Variants in NOTCH1 observed in about 807,000 individuals in gnomAD.
The protein encoded by NOTCH1 is notch receptor 1.
Under a neutral mutation model 254.8 loss-of-function variants are expected in NOTCH1, and 37 were observed. The ratio of observed to expected loss-of-function variants is 0.15; its 90% confidence interval spans 0.11 to 0.19. The LOEUF (loss-of-function observed/expected upper bound fraction) is 0.19. NOTCH1 is among the 10% of genes least tolerant of loss of function. The pLI, the probability that NOTCH1 is intolerant of heterozygous loss-of-function variation, is 1.00. For missense variants in NOTCH1, 2,972 were observed against 3,708.6 expected (o/e 0.80, Z 5.16); for synonymous variants, 1,731 against 1,618.1 (o/e 1.07, Z -1.68).
chr9:136,524,604 G>GC (rs1461528498), intron 2 of NOTCH1, among the ~76,000 whole-genome samples: 2 of 151,590 alleles, frequency 1.3e-5, no homozygotes, highest in Non-Finnish European at 2.9e-5. Context: ...GTGTGGATCA[G>GC]CCCCTTCCTA....
rs1300209111 is a variant in NOTCH1, at chr9:136,507,401, C to T, written c.3547G>A (p.Glu1183Lys). ...GGGTGGGAGAGGCACTCGTCGATCTCCTCAGAGCAGTTCACCCCGTGGTAG... is the reference window on the plus strand; with the variant it reads ...GGGTGGGAGAGGCACTCGTCGATCTTCTCAGAGCAGTTCACCCCGTGGTAG... ...AGYHGVNCSE[E>K]IDECLSHPCQ... The change falls in exon 22 of 34, where the codon GAG becomes AAG. Residue 1183 changes from glutamate to lysine, a missense_variant. This residue lies in a region of NOTCH1 where 1,343 missense variants were observed against 1,557.0 expected (regional missense o/e 0.86). Transcript: ENST00000651671. 2 of 1,611,106 alleles carry T rather than the reference C, an allele frequency of 1.2e-6. No homozygotes were observed. Among genetic ancestry groups the T allele is most frequent in the Non-Finnish European group, 1.7e-6 (2 of 1,179,298 alleles).
At chr9:136,498,045 G>A (rs891023041) in intron 33 of NOTCH1, among the ~76,000 whole-genome samples, 1 of 152,190 alleles carries the variant, frequency 6.6e-6, no homozygotes, top group Non-Finnish European at 1.5e-5. Flanking sequence ...GTCTGGGTGA[G>A]GCTGCTGTGT....
chr9:136,506,483 G>A lies in NOTCH1; in HGVS notation c.4014+44C>T. 6.5e-7 allele frequency: 1 copy of A among 1,532,914 alleles called. No homozygotes were observed. The highest frequency in any genetic ancestry group is 8.8e-7 in the Non-Finnish European group (1 of 1,134,012). The allele number at this position is 1,532,914 out of a possible 1,614,324, so 95.0% of individuals were successfully genotyped here. On this transcript the variant is annotated intron_variant, in intron 24 of 33. Transcript: ENST00000651671. The surrounding 1 kb of genome is among the most constrained non-coding windows in gnomAD (Gnocchi z 4.5). ...GGCCCCCACGTGGACCTCTCCAGGT[G>A]TCTCCCCTGGCGGGCCCCTGCCTCC...
rs1353567476 is a variant in NOTCH1 at position 136,523,946 on chromosome 9, C to G, written c.174G>C (p.Gln58His). 1 of 1,573,662 alleles carries G rather than the reference C, an allele frequency of 6.4e-7. No individual in the cohort carries two copies. The highest frequency in any genetic ancestry group is 1.3e-5 in the African/African-American group (1 of 74,278). ...GGGTGCTGAGGCACGGGTTGGGGTC[C>G]TGGCATCGCGGGCCCACGAAGGCCC... is the stretch of plus-strand genomic sequence containing the variant. ...CGGAFVGPRC[Q>H]DPNPCLSTPC... is the part of the protein sequence containing the mutation. Residue 58 changes from glutamine (Q) to histidine (H), a missense_variant, in exon 3 of 34, where the codon CAG becomes CAC. Physicochemically the swap from Gln to His is conservative, Grantham distance 24. This residue lies in a region of NOTCH1 where 374 missense variants were observed against 496.3 expected (regional missense o/e 0.75). Coordinates refer to ENST00000651671, the MANE Select transcript of NOTCH1 (RefSeq NM_017617.5).
Position 136,513,343 on chromosome 9 carries a change from C to G in NOTCH1, c.2353+49G>C, listed in dbSNP as rs1476106317. 1 of 1,611,180 alleles carries G rather than the reference C, an allele frequency of 6.2e-7. No homozygotes were observed. Reference sequence around the variant, plus strand: ...GTCCCGATCCTGTGTCTCCAGCTCCCCAGACTCGAGGGCGGCCCTCTGCAC... The same window carrying G: ...GTCCCGATCCTGTGTCTCCAGCTCCGCAGACTCGAGGGCGGCCCTCTGCAC... On this transcript the variant is annotated intron_variant, in intron 14 of 33. Coordinates refer to ENST00000651671, the MANE Select transcript of NOTCH1 (RefSeq NM_017617.5). This position sits in a 1 kb window ranked among gnomAD's most constrained non-coding sequence, Gnocchi z 4.7.
intron 30 of NOTCH1, among the ~76,000 whole-genome samples, 158 bp downstream of exon 30, chr9:136,501,590 C>A (rs1459268106): frequency 6.6e-6 from 1 of 152,140 alleles, no homozygotes; most frequent in Non-Finnish European, 1.5e-5. Flanking sequence ...TCCAGGACCC[C>A]CCCACGTCTA....
intron 26 of NOTCH1, among the ~76,000 whole-genome samples, chr9:136,503,561 C>T (rs978614410): frequency 1.3e-4 from 20 of 152,202 alleles, no homozygotes; most frequent in African/African-American, 4.6e-4. Context: ...TACCCACCAA[C>T]GCGCTCTCCC....
In NOTCH1 at chr9:136,545,369, C is replaced by A. The variant is rs928211649; in HGVS notation, c.61+357G>T. Among the ~76,000 whole-genome samples, 2 of 152,144 alleles carry A rather than the reference C, an allele frequency of 1.3e-5. No individual in the cohort carries two copies. The highest frequency in any genetic ancestry group is 4.8e-5 in the African/African-American group (2 of 41,446). On this transcript the variant is annotated intron_variant, in intron 1 of 33. Transcript: ENST00000651671. This position sits in a 1 kb window ranked among gnomAD's most constrained non-coding sequence, Gnocchi z 6.8. ...ACAGGAAACCAAAACCGACTCTATT[C>A]AAATCGAAAAATAGTAGGCAGCCCG...
chr9:136,540,874 C>T lies in NOTCH1; in HGVS notation c.140+3150G>A, dbSNP rs748569300. 5.3e-5 allele frequency among the ~76,000 whole-genome samples: 8 copies of T among 152,140 alleles called. 1 individual carries two copies. The highest frequency in any genetic ancestry group is 4.1e-4 in the South Asian group (2 of 4,826). On this transcript the variant is annotated intron_variant, in intron 2 of 33. Coordinates refer to ENST00000651671, the MANE Select transcript of NOTCH1 (RefSeq NM_017617.5). This position sits in a 1 kb window ranked among gnomAD's most constrained non-coding sequence, Gnocchi z 4.4. ...ACATCTTAGCTGCCCCCTGCCTCAA[C>T]GCCCAGCCCAGACGCAGGCAGCCCT... is the stretch of plus-strand genomic sequence containing the variant.
intron 2 of NOTCH1, among the ~76,000 whole-genome samples, chr9:136,534,615 T>C (rs1019582676): frequency 4.6e-5 from 7 of 152,062 alleles, no homozygotes; most frequent in Admixed American, 4.6e-4. Flanking sequence ...TCTGTGGCCA[T>C]TGGTCCCTAC....
intron 12 of NOTCH1, among the ~76,000 whole-genome samples, 176 bp downstream of exon 12, chr9:136,515,114 C>A (rs1268638397): frequency 6.6e-6 from 1 of 152,176 alleles, no homozygotes; most frequent in East Asian, 1.9e-4. Flanking sequence ...GTCGGGGGGA[C>A]CCATCGTGCT....
chr9:136,512,724 C>T (rs1843200395), intron 15 of NOTCH1, among the ~76,000 whole-genome samples: 3 of 152,216 alleles, frequency 2.0e-5, no homozygotes, highest in Admixed American at 2.0e-4. Context: ...CCAGGTAAAA[C>T]ACATGCTTGC....
chr9:136,506,717 G>C lies in NOTCH1; in HGVS notation c.3900C>G (p.Thr1300=), dbSNP rs201791826. 6.3e-7 allele frequency: 1 copy of C among 1,598,394 alleles called. No individual in the cohort carries two copies. Among genetic ancestry groups the C allele is most frequent in the Admixed American group, 1.7e-5 (1 of 57,498 alleles). ...DFHCECRAGH[T]GRRCESVING... ...CACCCGCCTGGGCGCGGCACCCACC[G>C]GTGTGACCAGCACGGCACTCGCAGT... Residue 1300 remains threonine, a splice_region_variant and synonymous_variant, in exon 23 of 34, where the codon ACC becomes ACG. Coordinates refer to ENST00000651671, the MANE Select transcript of NOTCH1 (RefSeq NM_017617.5). The surrounding 1 kb of genome is among the most constrained non-coding windows in gnomAD (Gnocchi z 4.5).
chr9:136,522,474 A>G lies in NOTCH1; in HGVS notation c.742+376T>C, dbSNP rs1026905575. 1.3e-4 allele frequency among the ~76,000 whole-genome samples: 20 copies of G among 152,226 alleles called. No homozygotes were observed. The South Asian group carries it at 1.5e-3, about 11-fold the overall frequency. ...ATGGCAGGAAGGGCCATGGCTTGGGAAGTGATGGTGCCCCCGCAGCTCCCA... is the reference window on the plus strand; with the variant it reads ...ATGGCAGGAAGGGCCATGGCTTGGGGAGTGATGGTGCCCCCGCAGCTCCCA... On this transcript the variant is annotated intron_variant, in intron 4 of 33. Coordinates refer to ENST00000651671, the MANE Select transcript of NOTCH1 (RefSeq NM_017617.5).
At chr9:136,536,647 G>T (rs1018431770) in intron 2 of NOTCH1, among the ~76,000 whole-genome samples, 1 of 152,356 alleles carries the variant, frequency 6.6e-6, no homozygotes, top group East Asian at 1.9e-4. Flanking sequence ...AAGCTGCTCC[G>T]TGGTGGGCCT....
chr9:136,521,857 G>C (rs1300597310), intron 4 of NOTCH1, among the ~76,000 whole-genome samples: 1 of 152,156 alleles, frequency 6.6e-6, no homozygotes, highest in Non-Finnish European at 1.5e-5. Flanking sequence ...TGGGCCACCC[G>C]TGGGTCAGCC....
At chr9:136,515,244 A>T (rs1373100678) in intron 12 of NOTCH1, 46 bp downstream of exon 12, 1 of 1,572,006 alleles carries the variant, frequency 6.4e-7, no homozygotes. Flanking sequence ...GCTGACCTTG[A>T]CCTCTGAGCA....
chr9:136,509,172 AGGGGCCTG>A, intron 18 of NOTCH1, 101 bp from the exon 19 acceptor site: 2 of 1,217,744 alleles, frequency 1.6e-6, no homozygotes, highest in Non-Finnish European at 2.3e-6. Context: ...GCTCAACCCT[AGGGGCCTG>A]ATGGCCAGGA....
intron 2 of NOTCH1, chr9:136,542,952 G>A (rs1843753383): frequency 6.5e-6 from 1 of 152,836 alleles, no homozygotes; most frequent in South Asian, 2.0e-4. Flanking sequence ...GCAGGCAGGA[G>A]GGAGCGGTTC....
Sources: gnomAD v4.1 joint callset for allele counts (sites outside exome capture counted in the v4.1 genomes callset) on GRCh38, gnomAD v4.1.1 for gene constraint, gnomAD v4.1.1 regional missense constraint, Gnocchi (gnomAD v3.1) non-coding constraint, MANE v1.5 for transcripts, NCBI Gene and HGNC (gene_info 2026-07-23, HGNC 2026-07-21) for gene names.